PTPRD: variants seen among roughly 807,000 people sequenced by gnomAD.
PTPRD encodes the protein receptor-type tyrosine-protein phosphatase delta.
Under a neutral mutation model 214.5 loss-of-function variants are expected in PTPRD, and 34 were observed. That is an observed-to-expected ratio of 0.16 (90% confidence interval 0.12 to 0.21). The LOEUF (loss-of-function observed/expected upper bound fraction) is 0.21, where lower values mean the gene tolerates loss of function less well. PTPRD is among the 10% of genes least tolerant of loss of function. The pLI is 1.00. For synonymous variants in PTPRD, 1,128 were observed against 845.7 expected (o/e 1.33, Z -5.79); for missense variants, 2,545 against 2,398.7 (o/e 1.06, Z -1.27).
chr9:9,749,258 C>A (rs2098490164), intron 6 of PTPRD, among the ~76,000 whole-genome samples: 1 of 152,168 alleles, frequency 6.6e-6, no homozygotes, highest in South Asian at 2.1e-4. Context: ...GTTTGGGAGG[C>A]ATTTGGTTGT....
chr9:9,026,168 C>T (rs199860229), intron 10 of PTPRD, among the ~76,000 whole-genome samples: 1 of 151,382 alleles, frequency 6.6e-6, no homozygotes, highest in Non-Finnish European at 1.5e-5. Context: ...GAGATCTTAA[C>T]AAAAGAAAGA....
chr9:8,720,415 G>A (rs190347637), intron 12 of PTPRD, among the ~76,000 whole-genome samples: 360 of 152,320 alleles, frequency 2.4e-3, no homozygotes, highest in African/African-American at 8.3e-3. Context: ...CCAGTCAGGG[G>A]ACTAACCCAC....
intron 3 of PTPRD, among the ~76,000 whole-genome samples, chr9:10,129,611 CA>C (rs926874230): frequency 6.6e-6 from 1 of 150,526 alleles, no homozygotes; most frequent in Non-Finnish European, 1.5e-5. Context: ...ATGCTAGTGA[CA>C]ACCAGGTCTG....
intron 9 of PTPRD, among the ~76,000 whole-genome samples, chr9:9,254,485 A>G (rs2131748462): frequency 6.6e-6 from 1 of 152,192 alleles, no homozygotes; most frequent in South Asian, 2.1e-4. Flanking sequence ...AATTAATGGT[A>G]ATATTTGTAG....
chr9:9,679,291 A>G (rs2097012535), intron 7 of PTPRD, among the ~76,000 whole-genome samples: 1 of 151,764 alleles, frequency 6.6e-6, no homozygotes, highest in Admixed American at 6.6e-5. Context: ...TACACACAAA[A>G]GATGGCACCA....
At chr9:10,411,598 C>T (rs540625423) in intron 2 of PTPRD, among the ~76,000 whole-genome samples, 1 of 151,792 alleles carries the variant, frequency 6.6e-6, no homozygotes, top group Non-Finnish European at 1.5e-5. Flanking sequence ...GACTTACTTG[C>T]TGATTTGCTA....
chr9:8,581,460 T>C (rs950243958), intron 14 of PTPRD, among the ~76,000 whole-genome samples: 8 of 151,882 alleles, frequency 5.3e-5, no homozygotes, highest in Admixed American at 3.3e-4. Context: ...AAGAAAAGGG[T>C]GGCCGGGGCC....
At chr9:9,963,758 G>A (rs1291653596) in intron 4 of PTPRD, among the ~76,000 whole-genome samples, 2 of 152,096 alleles carry the variant, frequency 1.3e-5, no homozygotes, top group African/African-American at 2.4e-5. Context: ...GATATATGAA[G>A]AGATGAACTT....
intron 9 of PTPRD, among the ~76,000 whole-genome samples, chr9:9,266,209 G>A (rs1380545143): frequency 6.6e-6 from 1 of 151,294 alleles, no homozygotes; most frequent in Admixed American, 6.6e-5. Flanking sequence ...ACGTGTGTAT[G>A]TGTGTGTAGC....
At chr9:9,449,105 G>A (rs544628390) in intron 8 of PTPRD, among the ~76,000 whole-genome samples, 19 of 152,072 alleles carry the variant, frequency 1.2e-4, no homozygotes, top group Non-Finnish European at 2.4e-4. Flanking sequence ...CTATACTGCC[G>A]CTGGCAATAA....
intron 8 of PTPRD, among the ~76,000 whole-genome samples, chr9:9,444,313 T>C (rs1383268066): frequency 1.3e-5 from 2 of 152,222 alleles, no homozygotes; most frequent in East Asian, 3.9e-4. Flanking sequence ...ATAAAATGAG[T>C]CCGATAAATA....
chr9:10,259,419 C>T (rs1031425608), intron 3 of PTPRD, among the ~76,000 whole-genome samples: 11 of 152,142 alleles, frequency 7.2e-5, no homozygotes, highest in African/African-American at 2.2e-4. Flanking sequence ...CATATGGAAG[C>T]CAGGGATAAT....
At chr9:10,029,587 G>T (rs920826160) in intron 4 of PTPRD, among the ~76,000 whole-genome samples, 63 of 152,172 alleles carry the variant, frequency 4.1e-4, no homozygotes, top group African/African-American at 1.5e-3. Flanking sequence ...ATTTGCATGG[G>T]GCCTGTAGCC....
At chr9:10,607,564 A>G (rs978111351) in intron 2 of PTPRD, among the ~76,000 whole-genome samples, 1 of 151,914 alleles carries the variant, frequency 6.6e-6, no homozygotes, top group Non-Finnish European at 1.5e-5. Flanking sequence ...AAAAATAAGT[A>G]TAGCATGATC....
intron 14 of PTPRD, among the ~76,000 whole-genome samples, chr9:8,566,424 C>G (rs2089231501): frequency 6.6e-6 from 1 of 152,120 alleles, no homozygotes; most frequent in African/African-American, 2.4e-5. Context: ...AACTATAAGA[C>G]TAACAGCATA....
At chr9:10,312,019 C>A (rs1358094168) in intron 3 of PTPRD, among the ~76,000 whole-genome samples, 1 of 151,844 alleles carries the variant, frequency 6.6e-6, no homozygotes, top group East Asian at 2.0e-4. Flanking sequence ...ACACAGTGAC[C>A]AATAAGGTCT....
intron 2 of PTPRD, among the ~76,000 whole-genome samples, chr9:10,471,956 C>A (rs2099033798): frequency 6.6e-6 from 1 of 151,958 alleles, no homozygotes; most frequent in Non-Finnish European, 1.5e-5. Flanking sequence ...AAAAAACGAT[C>A]TTTGTGATTA....
intron 3 of PTPRD, among the ~76,000 whole-genome samples, chr9:10,047,337 T>TGTGTGTGTGTGTGTGTGCGC (rs1491445418): frequency 6.9e-5 from 10 of 144,288 alleles, no homozygotes; most frequent in East Asian, 4.1e-4. Context: ...TGTGTGTGTG[T>TGTGTGTGTGTGTGTGTGCGC]GCGTGTGTGT....
intron 3 of PTPRD, among the ~76,000 whole-genome samples, chr9:10,168,475 C>T (rs1034215723): frequency 3.9e-5 from 6 of 152,196 alleles, no homozygotes; most frequent in African/African-American, 1.2e-4. Context: ...AACCTTGCCT[C>T]GGCATGGGCT....
Sources: gnomAD v4.1 joint callset for allele counts (sites outside exome capture counted in the v4.1 genomes callset) on GRCh38, gnomAD v4.1.1 for gene constraint, MANE v1.5 for transcripts, NCBI Gene and HGNC (gene_info 2026-07-23, HGNC 2026-07-21) for gene names.